Variants in PSMD14 observed in about 807,000 individuals in gnomAD.
The protein encoded by PSMD14 is proteasome 26S subunit, non-ATPase 14.
PSMD14 carries 7 observed loss-of-function variants against 41.2 expected under a neutral mutation model. That is an observed-to-expected ratio of 0.17 (90% CI 0.10 to 0.32). The LOEUF is 0.32. Ranked by LOEUF, PSMD14 falls within the 10% of genes least tolerant of loss-of-function variation. The pLI is 1.00. For missense variants in PSMD14, 139 were observed against 375.6 expected, an observed-to-expected ratio of 0.37 and a Z score of 5.21; for synonymous variants, 114 against 122.3, an observed-to-expected ratio of 0.93 and a Z score of 0.45.
rs1683380299 is a variant in PSMD14 at position 161,367,862 on chromosome 2, G to A, written c.199G>A (p.Val67Ile). ...MLGEFVDDYT[V>I]RVIDVFAMPQ... Reference sequence around the variant, plus strand: ...TGGAGAATTTGTTGATGATTATACCGTCAGAGTGATTGATGTGTTTGCTAT... The same window carrying A: ...TGGAGAATTTGTTGATGATTATACCATCAGAGTGATTGATGTGTTTGCTAT... Residue 67 changes from valine to isoleucine, a missense_variant, in exon 5 of 12, where the codon GTC (valine) becomes ATC (isoleucine). Physicochemically the swap from Val to Ile is conservative, Grantham distance 29. Around this residue, in one of 4 missense-constraint regions of PSMD14, gnomAD observed 35 missense variants for 162.9 expected, o/e 0.21. Coordinates refer to ENST00000409682, the MANE Select transcript of PSMD14 (RefSeq NM_005805.6). 2 of 1,613,440 alleles carry A rather than the reference G, an allele frequency of 1.2e-6. No homozygotes were observed. The highest frequency in any genetic ancestry group is 2.2e-5 in the East Asian group (1 of 44,860).
Position 161,411,423 on chromosome 2 carries a change from G to T in PSMD14, c.*23G>T, listed in dbSNP as rs1246932041. ...TAAAGCAACGAAAAACGCTATTAAT[G>T]ATGCCTTCAGTGTATATTCCTCTGT... is the stretch of plus-strand genomic sequence containing the variant. On this transcript the variant is annotated 3_prime_UTR_variant, in exon 12 of 12. Transcript: ENST00000409682. The T allele has an allele frequency of 2.0e-6, 3 of 1,505,504 alleles. No individual in the cohort carries two copies. The African/African-American group carries it at 4.1e-5, about 21-fold the overall frequency. 93.3% of individuals were successfully genotyped at this position (1,505,504 alleles called of 1,614,324 possible). A position where few individuals can be genotyped will look rare whatever the true frequency, so the allele number is the denominator to read the frequency against.
intron 3 of PSMD14, among the ~76,000 whole-genome samples, chr2:161,364,890 G>T (rs1683338365): frequency 6.6e-6 from 1 of 152,080 alleles, no homozygotes; most frequent in South Asian, 2.1e-4. Context: ...GATTGCTTGA[G>T]CTCAGGAGTT....
intron 2 of PSMD14, among the ~76,000 whole-genome samples, chr2:161,316,934 A>G (rs1174794223): frequency 6.6e-6 from 1 of 152,198 alleles, no homozygotes; most frequent in Non-Finnish European, 1.5e-5. Flanking sequence ...GAAACAACAC[A>G]GAGGGATAGA....
At chr2:161,404,774 C>A (rs372582445) in intron 10 of PSMD14, among the ~76,000 whole-genome samples, 3 of 152,192 alleles carry the variant, frequency 2.0e-5, no homozygotes, top group East Asian at 3.8e-4. Flanking sequence ...CTTCTGAAGT[C>A]TCTTTTTACT....
intron 3 of PSMD14, among the ~76,000 whole-genome samples, chr2:161,334,259 C>T (rs1682835895): frequency 6.6e-6 from 1 of 152,150 alleles, no homozygotes; most frequent in South Asian, 2.1e-4. Flanking sequence ...TCACTTTAAC[C>T]CAGGAGGTGG....
intron 8 of PSMD14, 150 bp from the exon 9 acceptor site, chr2:161,390,954 A>G: frequency 1.3e-6 from 1 of 769,416 alleles, no homozygotes; most frequent in Non-Finnish European, 1.8e-6. Context: ...GCTAAGAAGA[A>G]TACTTTAATT....
intron 11 of PSMD14, chr2:161,409,613 T>C (rs1683998172): frequency 6.6e-6 from 1 of 152,108 alleles, no homozygotes; most frequent in African/African-American, 2.4e-5. Flanking sequence ...TATGTAGGTT[T>C]GGGCCAGGAC....
chr2:161,358,953 G>A lies in PSMD14; in HGVS notation c.49-8525G>A, dbSNP rs149823294. 6.6e-5 allele frequency among the ~76,000 whole-genome samples: 10 copies of A among 152,270 alleles called. No individual in the cohort carries two copies. In the East Asian group the frequency reaches 1.9e-3, roughly 29 times the overall value. ...AGACTTCTGTTTCTATAAGGAATTA[G>A]TGTCCTATTTTTGTTGTTTATTCAG... is the stretch of plus-strand genomic sequence containing the variant. On this transcript the variant is annotated intron_variant, in intron 3 of 11. Transcript: ENST00000409682.
At position 161,389,998 on chromosome 2, in the gene PSMD14, G is replaced by A. The variant is rs185708179; in HGVS notation, c.571-1106G>A. On this transcript the variant is annotated intron_variant, in intron 8 of 11. Coordinates refer to ENST00000409682, the MANE Select transcript of PSMD14 (RefSeq NM_005805.6). ...TCCTGCCTCAGCCTCCCAGAGTGCT[G>A]GGATTACAGGCTTGAGCCACTGAGC... Among the ~76,000 whole-genome samples, 504 of 147,102 alleles carry A rather than the reference G, an allele frequency of 3.4e-3. 3 individuals carry two copies. The highest frequency in any genetic ancestry group is 0.012 in the African/African-American group (489 of 39,902).
intron 3 of PSMD14, among the ~76,000 whole-genome samples, chr2:161,350,855 A>G (rs1380158651): frequency 7.0e-6 from 1 of 143,824 alleles, no homozygotes; most frequent in Non-Finnish European, 1.6e-5. Context: ...CAAAACCTGC[A>G]ATCATATTGT....
chr2:161,382,477 AAAGT>A (rs964518940), intron 7 of PSMD14: 1 of 151,826 alleles, frequency 6.6e-6, no homozygotes, highest in African/African-American at 2.4e-5. Context: ...ACAAAAAAGG[AAAGT>A]AAGAGGTTTC....
intron 7 of PSMD14, chr2:161,381,530 T>C (rs1473696761): frequency 6.6e-6 from 1 of 151,884 alleles, no homozygotes; most frequent in Non-Finnish European, 1.5e-5. Context: ...AGAGCTTTGC[T>C]TAAAAATAGC....
chr2:161,392,446 T>G (rs2105267012), intron 9 of PSMD14, among the ~76,000 whole-genome samples: 1 of 152,288 alleles, frequency 6.6e-6, no homozygotes, highest in South Asian at 2.1e-4. Context: ...TGAGTTGGGC[T>G]CTCCACGCTT....
At chr2:161,346,226 A>T (rs1683040275) in intron 3 of PSMD14, among the ~76,000 whole-genome samples, 1 of 151,882 alleles carries the variant, frequency 6.6e-6, no homozygotes, top group East Asian at 1.9e-4. Context: ...CATCTAGTGT[A>T]TTTTTTATTT....
intron 1 of PSMD14, among the ~76,000 whole-genome samples, chr2:161,312,145 ATT>A (rs112312143): frequency 7.0e-5 from 10 of 142,416 alleles, no homozygotes; most frequent in Non-Finnish European, 7.8e-5. Flanking sequence ...CTGAAAAGTA[ATT>A]TTTTTTTTTT....
chr2:161,364,520 C>A (rs1285903857), intron 3 of PSMD14, among the ~76,000 whole-genome samples: 1 of 152,098 alleles, frequency 6.6e-6, no homozygotes, highest in African/African-American at 2.4e-5. Context: ...CCTTGGCCCC[C>A]CTCCCCTCAT....
At chr2:161,343,147 A>G (rs1268514774) in intron 3 of PSMD14, among the ~76,000 whole-genome samples, 1 of 152,146 alleles carries the variant, frequency 6.6e-6, no homozygotes, top group Non-Finnish European at 1.5e-5. Context: ...TTTTTGTGCA[A>G]CCATCACTGC....
intron 3 of PSMD14, among the ~76,000 whole-genome samples, chr2:161,358,785 A>G (rs1481654438): frequency 6.6e-6 from 1 of 152,148 alleles, no homozygotes; most frequent in African/African-American, 2.4e-5. Context: ...TCCACCAAAG[A>G]TACCAAAAAT....
intron 10 of PSMD14, among the ~76,000 whole-genome samples, chr2:161,401,133 A>G (rs1683872791): frequency 6.6e-6 from 1 of 152,110 alleles, no homozygotes; most frequent in African/African-American, 2.4e-5. Flanking sequence ...GTATTGATAA[A>G]TAAGTACGGT....
Sources: allele counts gnomAD v4.1 joint callset (sites outside exome capture counted in the v4.1 genomes callset), GRCh38; gene constraint gnomAD v4.1.1; regional missense constraint gnomAD v4.1.1; transcripts MANE v1.5; gene names NCBI Gene and HGNC (gene_info 2026-07-23, HGNC 2026-07-21).